The following BCL7A variants were observed in gnomAD, a reference collection of about 807,000 sequenced individuals.
The protein encoded by BCL7A is B-cell CLL/lymphoma 7 protein family member A.
Under a neutral mutation model 28.4 loss-of-function variants are expected in BCL7A, and 11 were observed. The observed-to-expected ratio is 0.39, with a 90% CI of 0.24 to 0.64. BCL7A has a LOEUF of 0.64. Ranked by LOEUF, BCL7A falls within the 30% of genes least tolerant of loss-of-function variation. The pLI is 0.50. For synonymous variants in BCL7A, 123 were observed against 103.3 expected (o/e 1.19, Z -1.15); for missense variants, 222 against 274.8 (o/e 0.81, Z 1.36).
At chr12:122,050,472 G>A (rs1220064118) in intron 4 of BCL7A, among the ~76,000 whole-genome samples, 1 of 152,202 alleles carries the variant, frequency 6.6e-6, no homozygotes, top group Non-Finnish European at 1.5e-5. Context: ...TACAGTATGT[G>A]TCGTCCCCTC....
rs776919000 is a variant in BCL7A, at chr12:122,061,443, G to A, written c.*2280G>A. The A allele has an allele frequency of 3.9e-5, 9 of 231,778 alleles. No homozygotes were observed. Among genetic ancestry groups the A allele is most frequent in the Admixed American group, 3.4e-4 (6 of 17,718 alleles). The allele number at this position is 231,778 out of a possible 1,614,324, so 14.4% of individuals were successfully genotyped here. On this transcript the variant is annotated 3_prime_UTR_variant, in exon 6 of 6. Transcript: ENST00000261822. ...CCACCACGGCCACGCCAGGCAAAGC[G>A]CCAGCAGCCCTGCACTCCACGCTGG...
At chr12:122,034,772 C>T (rs77234932) in intron 2 of BCL7A, among the ~76,000 whole-genome samples, 32,949 of 151,590 alleles carry the variant, frequency 0.22, 4,320 homozygotes, top group East Asian at 0.47. Flanking sequence ...AGGAATGGCA[C>T]GAAAAGCATC....
chr12:122,054,266 T>C (rs758039061), intron 4 of BCL7A, among the ~76,000 whole-genome samples: 1 of 152,050 alleles, frequency 6.6e-6, no homozygotes, highest in Non-Finnish European at 1.5e-5. Flanking sequence ...TTTTTGTATT[T>C]TTAGTAGAGA....
chr12:122,029,787 G>A lies in BCL7A; in HGVS notation c.93-913G>A, dbSNP rs920801173. ...TCAGGGGTGTGGCTGCTGGGTCTTC[G>A]TGGCGGTAAGGGACAAGTCGGAGTG... On this transcript the variant is annotated intron_variant, in intron 1 of 5. Transcript: ENST00000261822. This position sits in a 1 kb window ranked among gnomAD's most constrained non-coding sequence, Gnocchi z 4.3. Among the ~76,000 whole-genome samples, 1 of 152,152 alleles carries A rather than the reference G, an allele frequency of 6.6e-6. No homozygotes were observed. Among genetic ancestry groups the A allele is most frequent in the Admixed American group, 6.5e-5 (1 of 15,270 alleles).
chr12:122,050,777 C>CA (rs1281676565), intron 4 of BCL7A, among the ~76,000 whole-genome samples: 26 of 152,232 alleles, frequency 1.7e-4, no homozygotes, highest in Non-Finnish European at 1.5e-5. Flanking sequence ...GCTTGGGCGA[C>CA]AGAGCGAGAC....
Position 122,060,483 on chromosome 12 carries a change from C to T in BCL7A, c.*1320C>T, listed in dbSNP as rs1951912062. On this transcript the variant is annotated 3_prime_UTR_variant, in exon 6 of 6. Coordinates refer to ENST00000261822, the MANE Select transcript of BCL7A (RefSeq NM_001024808.3). The stretch of plus-strand genomic sequence containing the variant: ...CCTTCGCTGGAACAGCTTCCTCTCA[C>T]TGAACGGAGACGCCCCCTTGGACGA... 4.3e-6 allele frequency: 1 copy of T among 232,584 alleles called. No homozygotes were observed. The highest frequency in any genetic ancestry group is 8.5e-6 in the Non-Finnish European group (1 of 117,438). 14.4% of individuals were successfully genotyped at this position (232,584 alleles called of 1,614,324 possible). A position where few individuals can be genotyped will look rare whatever the true frequency, so the allele number is the denominator to read the frequency against.
Position 122,061,909 on chromosome 12 carries a change from C to A in BCL7A, c.*2746C>A. 4.6e-6 allele frequency: 1 copy of A among 215,816 alleles called. No homozygotes were observed. The highest frequency in any genetic ancestry group is 9.4e-6 in the Non-Finnish European group (1 of 106,916). 13.4% of individuals were successfully genotyped at this position (215,816 alleles called of 1,614,324 possible). A position where few individuals can be genotyped will look rare whatever the true frequency, so the allele number is the denominator to read the frequency against. On this transcript the variant is annotated 3_prime_UTR_variant, in exon 6 of 6. Transcript: ENST00000261822. ...TTTTTTCACCGTTACCTAATTTTTT[C>A]CCCTTTCAAGAATTTTTTTTTTTTT...
intron 2 of BCL7A, 148 bp downstream of exon 2, chr12:122,030,929 G>A (rs1408013810): frequency 2.6e-6 from 2 of 770,650 alleles, no homozygotes; most frequent in Admixed American, 4.6e-5. Flanking sequence ...TAGACCTGGG[G>A]AGGCTGCTGT....
intron 1 of BCL7A, among the ~76,000 whole-genome samples, chr12:122,027,511 G>T (rs1477498045): frequency 6.6e-6 from 1 of 152,104 alleles, no homozygotes; most frequent in Non-Finnish European, 1.5e-5. Flanking sequence ...CCGCACTCCA[G>T]CCTGGGCAAC....
chr12:122,026,187 A>C (rs1883625857), intron 1 of BCL7A, among the ~76,000 whole-genome samples: 1 of 151,270 alleles, frequency 6.6e-6, no homozygotes, highest in South Asian at 2.1e-4. Flanking sequence ...GAATGGCATG[A>C]ACCCACGAGG....
At chr12:122,031,806 T>C (rs1883752010) in intron 2 of BCL7A, among the ~76,000 whole-genome samples, 1 of 152,180 alleles carries the variant, frequency 6.6e-6, no homozygotes, top group African/African-American at 2.4e-5. Context: ...TGCGAGGCGC[T>C]GTCCTGTGAT....
intron 1 of BCL7A, among the ~76,000 whole-genome samples, chr12:122,023,007 T>A: frequency 6.6e-6 from 1 of 152,202 alleles, no homozygotes; most frequent in African/African-American, 2.4e-5. Context: ...CGGAGGGAGC[T>A]GTTGTTTTTG....
At chr12:122,023,540 C>T (rs1367694902) in intron 1 of BCL7A, among the ~76,000 whole-genome samples, 1 of 152,198 alleles carries the variant, frequency 6.6e-6, no homozygotes, top group East Asian at 1.9e-4. Flanking sequence ...CCACGTGCTC[C>T]CCGGCCTCCT....
At chr12:122,052,872 G>C (rs57519437) in intron 4 of BCL7A, among the ~76,000 whole-genome samples, 9 of 104,092 alleles carry the variant, frequency 8.6e-5, no homozygotes, top group East Asian at 2.5e-4. Context: ...TTTAGTCGGG[G>C]GGGGGGGGGG....
chr12:122,032,831 G>A (rs1883772041), intron 2 of BCL7A, among the ~76,000 whole-genome samples: 2 of 152,150 alleles, frequency 1.3e-5, no homozygotes, highest in Admixed American at 6.5e-5. Context: ...GAGCCATGAT[G>A]TGCCATGTGC....
At chr12:122,024,274 A>T (rs1883560380) in intron 1 of BCL7A, among the ~76,000 whole-genome samples, 2 of 152,212 alleles carry the variant, frequency 1.3e-5, no homozygotes, top group South Asian at 2.1e-4. Flanking sequence ...CCTTGGGCAT[A>T]TCATTGTCAC....
At chr12:122,043,830 C>CCCGTCCTTGGCA (rs1884009809) in intron 3 of BCL7A, 56 bp from the exon 4 acceptor site, 1 of 1,537,282 alleles carries the variant, frequency 6.5e-7, no homozygotes, top group Non-Finnish European at 8.8e-7. Flanking sequence ...CTCTGACCTA[C>CCCGTCCTTGGCA]CCGTCCTTGG....
chr12:122,053,185 G>A (rs866694257), intron 4 of BCL7A, among the ~76,000 whole-genome samples: 1 of 152,060 alleles, frequency 6.6e-6, no homozygotes, highest in Non-Finnish European at 1.5e-5. Flanking sequence ...TAGTAGAGAC[G>A]GGGTTTCACC....
At chr12:122,054,777 A>G (rs1489176745) in intron 4 of BCL7A, 28 bp from the exon 5 acceptor site, 22 of 1,605,718 alleles carry the variant, frequency 1.4e-5, no homozygotes, top group East Asian at 2.2e-5. Context: ...GTCTGAAAAC[A>G]GCTCCTGTCG....
Sources: allele counts gnomAD v4.1 joint callset (sites outside exome capture counted in the v4.1 genomes callset), GRCh38; gene constraint gnomAD v4.1.1; non-coding constraint Gnocchi (gnomAD v3.1); transcripts MANE v1.5; gene names NCBI Gene and HGNC (gene_info 2026-07-23, HGNC 2026-07-21).